ECT2L: variants seen among roughly 807,000 people sequenced by gnomAD.
ECT2L encodes the protein epithelial cell transforming 2 like.
A neutral mutation model predicts 122.8 loss-of-function variants in ECT2L; 126 were observed. That is an observed-to-expected ratio of 1.03 (90% CI 0.89 to 1.19). The LOEUF is 1.19. Ranked by LOEUF, ECT2L falls within the 50% of genes most tolerant of loss-of-function variation. The pLI is 0.00. For missense variants in ECT2L, 1,012 were observed against 1,064.1 expected (o/e 0.95, Z 0.68); for synonymous variants, 385 against 381.8 (o/e 1.01, Z -0.10).
intron 20 of ECT2L, among the ~76,000 whole-genome samples, chr6:138,899,172 G>A (rs1779312500): frequency 6.6e-6 from 1 of 150,704 alleles, no homozygotes; most frequent in African/African-American, 2.4e-5. Context: ...AATGAAGTAA[G>A]AGAGAGAGGG....
chr6:138,840,753 TTGTA>T (rs749392443), intron 5 of ECT2L, among the ~76,000 whole-genome samples: 15 of 152,140 alleles, frequency 9.9e-5, no homozygotes, highest in Non-Finnish European at 1.3e-4. Context: ...AGGTGTGTGT[TTGTA>T]TGTATCTTGT....
Position 138,903,048 on chromosome 6 carries a change from C to G in ECT2L, c.*421C>G, listed in dbSNP as rs1171370567. On this transcript the variant is annotated 3_prime_UTR_variant, in exon 22 of 22. Coordinates refer to ENST00000541398, the MANE Select transcript of ECT2L (RefSeq NM_001077706.3). ...TACCATTTTTAACATTTTCATGAAA[C>G]AATTATTGATTTAAAATATGGATAA... 1 of 167,184 alleles carries G rather than the reference C, an allele frequency of 6.0e-6. No individual in the cohort carries two copies. Among genetic ancestry groups the G allele is most frequent in the Non-Finnish European group, 1.3e-5 (1 of 79,024 alleles). 10.4% of individuals were successfully genotyped at this position (167,184 alleles called of 1,614,324 possible).
At chr6:138,842,035 C>T (rs1777056715) in intron 5 of ECT2L, among the ~76,000 whole-genome samples, 1 of 152,190 alleles carries the variant, frequency 6.6e-6, no homozygotes, top group Non-Finnish European at 1.5e-5. Context: ...GGATAAGTGT[C>T]ACAAAGATGT....
In ECT2L at chr6:138,862,626, G is replaced by A. The variant is rs748924495; in HGVS notation, c.1199-1G>A. On this transcript the variant is annotated splice_acceptor_variant, in intron 10 of 21. Transcript: ENST00000541398. LOFTEE classifies it high-confidence loss of function. Reference sequence around the variant, plus strand: ...TAACGAAAGTGTTTTTGACTATGCAGAGGCAGGAATTGAAGTTCTTTCCCA... The same window carrying A: ...TAACGAAAGTGTTTTTGACTATGCAAAGGCAGGAATTGAAGTTCTTTCCCA... 1.9e-6 allele frequency: 3 copies of A among 1,613,864 alleles called. No individual in the cohort carries two copies. Among genetic ancestry groups the A allele is most frequent in the Admixed American group, 3.3e-5 (2 of 59,992 alleles).
chr6:138,875,571 G>T (rs1271839050), intron 13 of ECT2L, among the ~76,000 whole-genome samples: 1 of 152,214 alleles, frequency 6.6e-6, no homozygotes, highest in Non-Finnish European at 1.5e-5. Context: ...CAGCAGGGGT[G>T]GGGGTGGAGG....
At chr6:138,809,397 T>C (rs1775816832) in intron 1 of ECT2L, among the ~76,000 whole-genome samples, 1 of 152,076 alleles carries the variant, frequency 6.6e-6, no homozygotes, top group Non-Finnish European at 1.5e-5. Context: ...GTCTGGGAGG[T>C]TGAGGCTGCA....
chr6:138,812,152 G>C (rs1446644034), intron 1 of ECT2L, among the ~76,000 whole-genome samples: 1 of 152,224 alleles, frequency 6.6e-6, no homozygotes, highest in Non-Finnish European at 1.5e-5. Flanking sequence ...TGAGAAGGCA[G>C]CTGCCTACAA....
intron 10 of ECT2L, among the ~76,000 whole-genome samples, chr6:138,857,006 C>T (rs1562477601): frequency 1.3e-5 from 2 of 152,120 alleles, no homozygotes; most frequent in African/African-American, 4.8e-5. Context: ...TCGAATCCAC[C>T]ACCAGCTCCA....
intron 4 of ECT2L, among the ~76,000 whole-genome samples, chr6:138,815,941 G>A (rs1776053327): frequency 6.6e-6 from 1 of 152,168 alleles, no homozygotes; most frequent in African/African-American, 2.4e-5. Context: ...ATCTGTGGGT[G>A]CAAAGCAGAT....
At chr6:138,846,374 GGA>G (rs1777220126) in intron 7 of ECT2L, among the ~76,000 whole-genome samples, 163 bp from the exon 8 acceptor site, 1 of 152,162 alleles carries the variant, frequency 6.6e-6, no homozygotes, top group Non-Finnish European at 1.5e-5. Context: ...ACTACACCCA[GGA>G]GCTCCATTTA....
rs1270109102 is a variant in ECT2L at position 138,834,933 on chromosome 6, ACACT to A, written c.180-3417_180-3414del. On this transcript the variant is annotated intron_variant, in intron 4 of 21. Transcript: ENST00000541398. ...CACACACACACACACACACACACAC[ACACT>A]CTCATTCTCTCTCTCTGTCTCTTTC... Among the ~76,000 whole-genome samples, 16 of 83,898 alleles carry A rather than the reference ACACT, an allele frequency of 1.9e-4. No homozygotes were observed. In the East Asian group the frequency reaches 7.0e-3, roughly 37 times the overall value. The allele number at this position is 83,898 out of a possible 152,430, so 55.0% of individuals were successfully genotyped here.
chr6:138,893,413 AT>A (rs202147997), intron 20 of ECT2L, among the ~76,000 whole-genome samples: 55 of 148,356 alleles, frequency 3.7e-4, no homozygotes, highest in African/African-American at 1.3e-3. Context: ...ATATATATAT[AT>A]TTTTTTATTT....
intron 15 of ECT2L, 124 bp from the exon 16 acceptor site, chr6:138,882,600 G>T (rs1274342884): frequency 8.6e-7 from 1 of 1,165,914 alleles, no homozygotes; most frequent in East Asian, 2.5e-5. Flanking sequence ...AGGAAGAAAT[G>T]ACTTGACCAA....
chr6:138,834,935 A>ACACACACTCT lies in ECT2L; in HGVS notation c.180-3416_180-3415insACACACTCTC, dbSNP rs5880405. Among the ~76,000 whole-genome samples the ACACACACTCT allele has an allele frequency of 9.5e-3, 1,356 of 142,788 alleles. 15 individuals are homozygous for ACACACACTCT. Among genetic ancestry groups the ACACACACTCT allele is most frequent in the African/African-American group, 0.027 (1,024 of 37,588 alleles). The allele number at this position is 142,788 out of a possible 152,430, so 93.7% of individuals were successfully genotyped here. A position where few individuals can be genotyped will look rare whatever the true frequency, so the allele number is the denominator to read the frequency against. On this transcript the variant is annotated intron_variant, in intron 4 of 21. Transcript: ENST00000541398. Reference sequence around the variant, plus strand: ...CACACACACACACACACACACACACACTCTCATTCTCTCTCTCTGTCTCTT... The same window carrying ACACACACTCT: ...CACACACACACACACACACACACACACACACACTCTCTCTCATTCTCTCTCTCTGTCTCTT...
chr6:138,847,088 C>T (rs931877842), intron 8 of ECT2L, among the ~76,000 whole-genome samples: 2 of 149,868 alleles, frequency 1.3e-5, no homozygotes, highest in Admixed American at 6.7e-5. Context: ...GCCAACATGA[C>T]GAAACCCCAT....
At chr6:138,823,130 G>T (rs1776324183) in intron 4 of ECT2L, 1 of 1,459,168 alleles carries the variant, frequency 6.9e-7, no homozygotes, top group Non-Finnish European at 9.3e-7. Context: ...CTGGAATGCA[G>T]TTTCTGGCTT....
chr6:138,878,374 C>T (rs1190337359), intron 14 of ECT2L, among the ~76,000 whole-genome samples: 1 of 151,548 alleles, frequency 6.6e-6, no homozygotes, highest in Non-Finnish European at 1.5e-5. Flanking sequence ...ACAATGAGAG[C>T]AAGATAACAG....
intron 5 of ECT2L, among the ~76,000 whole-genome samples, chr6:138,839,297 C>T (rs993762701): frequency 6.6e-6 from 1 of 152,058 alleles, no homozygotes; most frequent in Admixed American, 6.6e-5. Context: ...GCCATTAATT[C>T]TGCCTCTGGC....
intron 4 of ECT2L, among the ~76,000 whole-genome samples, chr6:138,818,431 T>C (rs2128376140): frequency 6.6e-6 from 1 of 152,314 alleles, no homozygotes; most frequent in Middle Eastern, 3.4e-3. Context: ...TGTGAGGCAA[T>C]CTGGTGTGCA....
Sources: allele counts gnomAD v4.1 joint callset (sites outside exome capture counted in the v4.1 genomes callset), GRCh38; gene constraint gnomAD v4.1.1; transcripts MANE v1.5; gene names NCBI Gene and HGNC (gene_info 2026-07-23, HGNC 2026-07-21).